SEC24B: variants seen among roughly 807,000 people sequenced by gnomAD.
SEC24B encodes protein transport protein Sec24B.
A neutral mutation model predicts 142.8 loss-of-function variants in SEC24B; 45 were observed. The ratio of observed to expected loss-of-function variants is 0.32; its 90% CI spans 0.25 to 0.40. SEC24B has a LOEUF of 0.40. Ranked by LOEUF, SEC24B falls within the 10% of genes least tolerant of loss-of-function variation. SEC24B has a pLI of 1.00. For synonymous variants in SEC24B, 574 were observed against 568.2 expected, an observed-to-expected ratio of 1.01 and a Z score of -0.15; for missense variants, 1,409 against 1,526.8, an observed-to-expected ratio of 0.92 and a Z score of 1.29.
chr4:109,493,126 A>G (rs968967429), intron 5 of SEC24B, among the ~76,000 whole-genome samples: 1 of 152,144 alleles, frequency 6.6e-6, no homozygotes, highest in Non-Finnish European at 1.5e-5. Flanking sequence ...TCTAAGGATT[A>G]TGACAGCATG....
At chr4:109,472,640 G>A (rs1413100175) in intron 2 of SEC24B, among the ~76,000 whole-genome samples, 1 of 152,042 alleles carries the variant, frequency 6.6e-6, no homozygotes, top group African/African-American at 2.4e-5. Flanking sequence ...AATAATCTGT[G>A]CAATAATTAG....
At chr4:109,444,960 G>T in intron 1 of SEC24B, among the ~76,000 whole-genome samples, 1 of 151,942 alleles carries the variant, frequency 6.6e-6, no homozygotes, top group East Asian at 1.9e-4. Context: ...TTGACACAGG[G>T]TCTCACTCTG....
intron 1 of SEC24B, among the ~76,000 whole-genome samples, chr4:109,444,020 C>T (rs1429138326): frequency 6.6e-6 from 1 of 151,648 alleles, no homozygotes; most frequent in Non-Finnish European, 1.5e-5. Flanking sequence ...GTCAGGAGTT[C>T]GAGACCAGCC....
chr4:109,494,337 G>A (rs1025213202), intron 5 of SEC24B, among the ~76,000 whole-genome samples: 1 of 151,970 alleles, frequency 6.6e-6, no homozygotes, highest in African/African-American at 2.4e-5. Context: ...GTGAAGTGAT[G>A]TAAAATATGG....
chr4:109,454,486 T>C (rs1435868409), intron 1 of SEC24B, among the ~76,000 whole-genome samples: 1 of 150,252 alleles, frequency 6.7e-6, no homozygotes, highest in Non-Finnish European at 1.5e-5. Context: ...TGGGGTGAGC[T>C]GAGATCGCAC....
In SEC24B at chr4:109,512,060, A is replaced by G. The variant is rs963983983; in HGVS notation, c.1880A>G (p.Asn627Ser). The G allele has an allele frequency of 2.5e-6, 4 of 1,613,166 alleles. No individual in the cohort carries two copies. Among genetic ancestry groups the G allele is most frequent in the East Asian group, 2.2e-5 (1 of 44,854 alleles). Residue 627 changes from asparagine (N) to serine (S), a missense_variant, in exon 9 of 24, where the codon AAT becomes AGT. Physicochemically the swap from Asn to Ser is conservative, Grantham distance 46 (BLOSUM62 1). Around this residue, in one of 2 missense-constraint regions of SEC24B, gnomAD observed 700 missense variants for 853.3 expected, o/e 0.82. Transcript: ENST00000265175. ...SFIDQRRWKC[N>S]LCYRVNDVPE... ...ATTGATCAACGTAGATGGAAATGCAATTTGTGCTATAGAGTAAACGATGGT... is the reference window on the plus strand; with the variant it reads ...ATTGATCAACGTAGATGGAAATGCAGTTTGTGCTATAGAGTAAACGATGGT...
intron 1 of SEC24B, 111 bp downstream of exon 1, chr4:109,434,113 C>G (rs1377206478): frequency 2.2e-5 from 16 of 729,796 alleles, no homozygotes; most frequent in Non-Finnish European, 2.7e-5. Context: ...GGGCCAGGCC[C>G]GGCCCGAGGG....
chr4:109,533,523 T>C (rs1561191419), intron 21 of SEC24B, 70 bp from the exon 22 acceptor site: 2 of 953,948 alleles, frequency 2.1e-6, no homozygotes, highest in East Asian at 2.4e-5. Flanking sequence ...GAGGTGATAA[T>C]TTTGAGAACA....
intron 4 of SEC24B, among the ~76,000 whole-genome samples, chr4:109,490,297 CCT>C (rs72317431): frequency 0.072 from 10,901 of 151,942 alleles, 546 homozygotes; most frequent in African/African-American, 0.14. Context: ...GCTATTATGC[CCT>C]GAGTCGGTAT....
intron 6 of SEC24B, among the ~76,000 whole-genome samples, chr4:109,505,887 TAAC>T (rs1736631524): frequency 1.3e-5 from 2 of 152,252 alleles, no homozygotes; most frequent in East Asian, 1.9e-4. Context: ...CAGTTTGAGA[TAAC>T]AAGCCATTAA....
chr4:109,530,402 G>T lies in SEC24B; in HGVS notation c.3190G>T (p.Ala1064Ser). 6.2e-7 allele frequency: 1 copy of T among 1,614,122 alleles called. No individual in the cohort carries two copies. The highest frequency in any genetic ancestry group is 8.5e-7 in the Non-Finnish European group (1 of 1,180,000). Residue 1064 changes from alanine (A) to serine (S), a missense_variant, in exon 19 of 24, where the codon GCA becomes TCA. Coordinates refer to ENST00000265175, the MANE Select transcript of SEC24B (RefSeq NM_006323.5). Reference protein sequence around the residue: ...GSTVSNLQHSALMAPSSLKLF... With the variant: ...GSTVSNLQHSSLMAPSSLKLF... ...AACTGTCTCAAATTTACAGCACTCT[G>T]CATTGATGGCGCCCAGCTCCCTCAA...
intron 1 of SEC24B, among the ~76,000 whole-genome samples, chr4:109,446,504 T>C: frequency 6.6e-6 from 1 of 152,178 alleles, no homozygotes; most frequent in East Asian, 1.9e-4. Flanking sequence ...TTTGTGTTGT[T>C]GTAAACACTG....
At chr4:109,497,492 GT>G (rs1735653768) in intron 6 of SEC24B, among the ~76,000 whole-genome samples, 1 of 151,772 alleles carries the variant, frequency 6.6e-6, no homozygotes, top group African/African-American at 2.4e-5. Context: ...TCACACTTAA[GT>G]GAGCATCATA....
intron 10 of SEC24B, among the ~76,000 whole-genome samples, chr4:109,515,630 A>T (rs1426655941): frequency 6.6e-6 from 1 of 152,100 alleles, no homozygotes; most frequent in African/African-American, 2.4e-5. Flanking sequence ...CACCTGGCCT[A>T]TTTCAACTTT....
chr4:109,495,199 A>T (rs1409166504), intron 6 of SEC24B, among the ~76,000 whole-genome samples: 1 of 152,186 alleles, frequency 6.6e-6, no homozygotes, highest in Non-Finnish European at 1.5e-5. Context: ...TTTTAAAAAA[A>T]TTTTATATTA....
intron 3 of SEC24B, among the ~76,000 whole-genome samples, chr4:109,476,415 C>T (rs1029958721): frequency 5.3e-5 from 8 of 152,180 alleles, no homozygotes; most frequent in Non-Finnish European, 1.5e-5. Context: ...GCTGTCTCCT[C>T]TCCCCACTAT....
intron 3 of SEC24B, among the ~76,000 whole-genome samples, chr4:109,473,957 A>G (rs1732803038): frequency 6.6e-6 from 1 of 152,222 alleles, no homozygotes; most frequent in South Asian, 2.1e-4. Flanking sequence ...ATGTAATGAC[A>G]GCTCCTAACG....
intron 20 of SEC24B, among the ~76,000 whole-genome samples, chr4:109,532,079 ACTC>A (rs1724992337): frequency 6.6e-6 from 1 of 150,902 alleles, no homozygotes; most frequent in Non-Finnish European, 1.5e-5. Context: ...CTGGCCTCAA[ACTC>A]CTGACCTCAA....
chr4:109,503,059 T>A (rs1241983767), intron 6 of SEC24B, among the ~76,000 whole-genome samples: 1 of 148,396 alleles, frequency 6.7e-6, no homozygotes, highest in Non-Finnish European at 1.5e-5. Flanking sequence ...AATTTCTTTC[T>A]TTCTTTTTTT....
Sources: gnomAD v4.1 joint callset for allele counts (sites outside exome capture counted in the v4.1 genomes callset) on GRCh38, gnomAD v4.1.1 for gene constraint, gnomAD v4.1.1 regional missense constraint, MANE v1.5 for transcripts, NCBI Gene and HGNC (gene_info 2026-07-23, HGNC 2026-07-21) for gene names.